Variants in UBE2E1 observed in about 807,000 individuals in gnomAD.
UBE2E1 encodes the protein ubiquitin-conjugating enzyme E2 E1.
UBE2E1 carries 6 observed loss-of-function variants against 21.4 expected under a neutral mutation model. That is an observed-to-expected ratio of 0.28 (90% confidence interval 0.15 to 0.55). UBE2E1 has a LOEUF of 0.55. Among genes scored for constraint, UBE2E1 ranks in the 20% least tolerant of loss-of-function variants. The pLI is 0.93. For synonymous variants in UBE2E1, 87 were observed against 82.7 expected, an observed-to-expected ratio of 1.05 and a Z score of -0.28; for missense variants, 142 against 236.5, an observed-to-expected ratio of 0.60 and a Z score of 2.62.
chr3:23,807,657 A>G (rs951215551), intron 2 of UBE2E1: 11 of 419,198 alleles, frequency 2.6e-5, no homozygotes, highest in Non-Finnish European at 8.2e-6. Flanking sequence ...TGAAGTTTGT[A>G]AGATTCCTCG....
In UBE2E1 at chr3:23,842,917, C is replaced by T. The variant is rs1446062815; in HGVS notation, c.203+31407C>T. Among the ~76,000 whole-genome samples, 1 of 151,940 alleles carries T rather than the reference C, an allele frequency of 6.6e-6. No homozygotes were observed. Among genetic ancestry groups the T allele is most frequent in the African/African-American group, 2.4e-5 (1 of 41,352 alleles). On this transcript the variant is annotated intron_variant, in intron 3 of 5. Coordinates refer to ENST00000306627, the MANE Select transcript of UBE2E1 (RefSeq NM_003341.5). The surrounding 1 kb of genome is among the most constrained non-coding windows in gnomAD (Gnocchi z 4.6). ...GGGCTTGTTTTATTTGAATAAAGAACCCTATAGTAGCATGATTATGGTAGT... is the reference window on the plus strand; with the variant it reads ...GGGCTTGTTTTATTTGAATAAAGAATCCTATAGTAGCATGATTATGGTAGT...
intron 3 of UBE2E1, among the ~76,000 whole-genome samples, chr3:23,854,703 A>G (rs1045697480): frequency 8.5e-5 from 13 of 152,266 alleles, no homozygotes; most frequent in African/African-American, 3.1e-4. Flanking sequence ...TAAAAGGACA[A>G]TAACTTTTGT....
At chr3:23,851,948 G>A (rs1700334853) in intron 3 of UBE2E1, among the ~76,000 whole-genome samples, 1 of 152,200 alleles carries the variant, frequency 6.6e-6, no homozygotes, top group Non-Finnish European at 1.5e-5. Context: ...GCTTGGTGCT[G>A]CTCTCACGGT....
At chr3:23,865,512 G>A (rs1165536802) in intron 3 of UBE2E1, among the ~76,000 whole-genome samples, 2 of 152,122 alleles carry the variant, frequency 1.3e-5, no homozygotes, top group Non-Finnish European at 2.9e-5. Context: ...ATGCCACCAT[G>A]CCCGGCTGTG....
At chr3:23,881,981 G>A (rs996781189) in intron 3 of UBE2E1, among the ~76,000 whole-genome samples, 1 of 152,176 alleles carries the variant, frequency 6.6e-6, no homozygotes. Context: ...TGGTGGGTTC[G>A]TGGTTTTGCT....
chr3:23,879,256 C>A, intron 3 of UBE2E1: 1 of 891,898 alleles, frequency 1.1e-6, no homozygotes, highest in Non-Finnish European at 1.7e-6. Flanking sequence ...AGTGGCCTTA[C>A]TTTGTCCTAA....
intron 3 of UBE2E1, among the ~76,000 whole-genome samples, chr3:23,865,870 C>T (rs1700644933): frequency 6.6e-6 from 1 of 152,202 alleles, no homozygotes; most frequent in Admixed American, 6.5e-5. Flanking sequence ...GTTTAGGTAG[C>T]TGTGAAATGT....
At chr3:23,854,065 C>T (rs547570147) in intron 3 of UBE2E1, among the ~76,000 whole-genome samples, 5 of 152,058 alleles carry the variant, frequency 3.3e-5, no homozygotes, top group Non-Finnish European at 5.9e-5. Context: ...TGAGACCAGT[C>T]TGGCCAACAT....
intron 3 of UBE2E1, among the ~76,000 whole-genome samples, chr3:23,886,612 A>G (rs1001239685): frequency 6.6e-6 from 1 of 152,204 alleles, no homozygotes; most frequent in Non-Finnish European, 1.5e-5. Context: ...TGGGGAAAGT[A>G]TAGGCCCATG....
chr3:23,872,594 A>G (rs1700827027), intron 3 of UBE2E1, among the ~76,000 whole-genome samples: 1 of 152,068 alleles, frequency 6.6e-6, no homozygotes, highest in Non-Finnish European at 1.5e-5. Context: ...TTTTGATTAT[A>G]TGGTTAACAG....
At chr3:23,857,781 C>T (rs959233905) in intron 3 of UBE2E1, among the ~76,000 whole-genome samples, 1 of 152,212 alleles carries the variant, frequency 6.6e-6, no homozygotes, top group Non-Finnish European at 1.5e-5. Context: ...GTGTGCTCCT[C>T]AGGAATGAGT....
At chr3:23,807,494 CA>C (rs1699303563) in intron 2 of UBE2E1, 73 bp downstream of exon 2, 13 of 1,559,044 alleles carry the variant, frequency 8.3e-6, no homozygotes, top group Admixed American at 2.0e-5. Flanking sequence ...GTCTGCCTCC[CA>C]ATGAGGATAG....
chr3:23,819,982 T>C (rs1177406422), intron 3 of UBE2E1, among the ~76,000 whole-genome samples: 1 of 152,218 alleles, frequency 6.6e-6, no homozygotes, highest in East Asian at 1.9e-4. Flanking sequence ...TTACAAATGG[T>C]AACCTTATTA....
At chr3:23,883,904 CAAAA>C (rs35520751) in intron 3 of UBE2E1, among the ~76,000 whole-genome samples, 5 of 87,232 alleles carry the variant, frequency 5.7e-5, no homozygotes, top group East Asian at 3.9e-4. Context: ...TGACAGATCT[CAAAA>C]AAAAAAAAAA....
intron 3 of UBE2E1, among the ~76,000 whole-genome samples, chr3:23,851,290 C>T (rs6550805): frequency 0.54 from 82,604 of 151,994 alleles, 22,883 homozygotes; most frequent in African/African-American, 0.64. Context: ...GTCTTAATTT[C>T]TGTGGCTTCA....
intron 3 of UBE2E1, among the ~76,000 whole-genome samples, chr3:23,856,949 G>T (rs894895273): frequency 2.7e-5 from 4 of 149,008 alleles, no homozygotes; most frequent in African/African-American, 1.0e-4. Context: ...GTTGCAGTGC[G>T]CTGTGATCAC....
rs1001366013 is a variant in UBE2E1, at chr3:23,806,866, C to T, written c.-33-371C>T. ...CCCCCGGAAAGCGGACAAAAACAGC[C>T]CCGAGGCCGGCCGGCCGCCGGGACC... On this transcript the variant is annotated intron_variant, in intron 1 of 5. Coordinates refer to ENST00000306627, the MANE Select transcript of UBE2E1 (RefSeq NM_003341.5). This position sits in a 1 kb window ranked among gnomAD's most constrained non-coding sequence, Gnocchi z 6.5. The T allele has an allele frequency of 6.3e-6, 1 of 159,770 alleles. No homozygotes were observed. The highest frequency in any genetic ancestry group is 2.4e-5 in the African/African-American group (1 of 41,644). The allele number at this position is 159,770 out of a possible 1,614,324, so 9.9% of individuals were successfully genotyped here.
chr3:23,874,251 G>T (rs1345079765), intron 3 of UBE2E1, among the ~76,000 whole-genome samples: 1 of 152,228 alleles, frequency 6.6e-6, no homozygotes, highest in Non-Finnish European at 1.5e-5. Flanking sequence ...GAGAATCTTG[G>T]TATCCTTTTA....
chr3:23,844,917 A>G (rs1700165292), intron 3 of UBE2E1, among the ~76,000 whole-genome samples: 1 of 152,170 alleles, frequency 6.6e-6, no homozygotes, highest in Non-Finnish European at 1.5e-5. Flanking sequence ...AGAGATGGAC[A>G]TGTGTATATG....
Sources: gnomAD v4.1 joint callset for allele counts (sites outside exome capture counted in the v4.1 genomes callset) on GRCh38, gnomAD v4.1.1 for gene constraint, Gnocchi (gnomAD v3.1) non-coding constraint, MANE v1.5 for transcripts, NCBI Gene and HGNC (gene_info 2026-07-23, HGNC 2026-07-21) for gene names.